The following NLGN1 variants were observed in gnomAD, a reference collection of about 807,000 sequenced individuals.
NLGN1 encodes neuroligin 1, also known as neuroligin-1.
NLGN1 carries 12 observed loss-of-function variants against 65.5 expected under a neutral mutation model. The ratio of observed to expected loss-of-function variants is 0.18; its 90% CI spans 0.12 to 0.30. The LOEUF (loss-of-function observed/expected upper bound fraction) is 0.30, where lower values mean the gene tolerates loss of function less well. NLGN1 is among the 10% of genes least tolerant of loss of function. The probability of loss-of-function intolerance (pLI) is 1.00; values close to 1 mark genes in which losing one functional copy is unlikely to be tolerated. For missense variants in NLGN1, 750 were observed against 1,007.1 expected (o/e 0.74, Z 3.46); for synonymous variants, 350 against 359.5 (o/e 0.97, Z 0.30).
intron 1 of NLGN1, among the ~76,000 whole-genome samples, chr3:173,409,254 A>G (rs1175487800): frequency 6.6e-6 from 1 of 152,178 alleles, no homozygotes; most frequent in Admixed American, 6.5e-5. Flanking sequence ...CAAAACTGCC[A>G]TATGTATACA....
At chr3:173,997,775 A>T (rs188327873) in intron 4 of NLGN1, among the ~76,000 whole-genome samples, 56 of 152,254 alleles carry the variant, frequency 3.7e-4, no homozygotes, top group Non-Finnish European at 4.7e-4. Context: ...CCACTTAAAA[A>T]ATATCCTTAT....
intron 3 of NLGN1, among the ~76,000 whole-genome samples, chr3:173,698,579 C>T (rs922433190): frequency 5.9e-5 from 9 of 152,100 alleles, no homozygotes; most frequent in African/African-American, 2.2e-4. Flanking sequence ...CAGTATATAC[C>T]TTGCTCTATA....
At chr3:173,527,743 T>G (rs1735896501) in intron 2 of NLGN1, among the ~76,000 whole-genome samples, 1 of 152,192 alleles carries the variant, frequency 6.6e-6, no homozygotes, top group Admixed American at 6.5e-5. Flanking sequence ...TAGAGTTGTT[T>G]GAGCTCCTTA....
intron 4 of NLGN1, among the ~76,000 whole-genome samples, chr3:174,040,184 T>A (rs980411893): frequency 6.6e-6 from 1 of 152,088 alleles, no homozygotes. Flanking sequence ...TCCCCTCTTT[T>A]CAGAGAAAAG....
intron 4 of NLGN1, among the ~76,000 whole-genome samples, chr3:174,265,801 AGCCAAAG>A: frequency 6.8e-6 from 1 of 146,516 alleles, no homozygotes; most frequent in African/African-American, 2.5e-5. Flanking sequence ...ATATATATAT[AGCCAAAG>A]TATTTTTATA....
chr3:173,757,539 C>T (rs891897135), intron 3 of NLGN1, among the ~76,000 whole-genome samples: 1 of 151,758 alleles, frequency 6.6e-6, no homozygotes, highest in Non-Finnish European at 1.5e-5. Context: ...CAATCTGACT[C>T]AGTTTCTTAA....
At chr3:174,106,870 CT>C (rs368264539) in intron 4 of NLGN1, among the ~76,000 whole-genome samples, 18 of 151,668 alleles carry the variant, frequency 1.2e-4, no homozygotes, top group African/African-American at 3.6e-4. Context: ...ACCCTTTCTC[CT>C]TTTTTTTCTT....
intron 2 of NLGN1, among the ~76,000 whole-genome samples, chr3:173,512,195 A>C (rs1733092149): frequency 6.6e-6 from 1 of 152,224 alleles, no homozygotes; most frequent in Non-Finnish European, 1.5e-5. Flanking sequence ...GTCTTGTAGC[A>C]TGGGGCAGCT....
intron 3 of NLGN1, among the ~76,000 whole-genome samples, chr3:173,747,239 C>A (rs11929377): frequency 2.8e-5 from 4 of 142,038 alleles, no homozygotes; most frequent in Admixed American, 7.2e-5. Context: ...ATATATATAT[C>A]TTTAAGTATA....
chr3:173,397,416 C>G (rs538108675), upstream of NLGN1, among the ~76,000 whole-genome samples: 1 of 151,890 alleles, frequency 6.6e-6, no homozygotes, highest in Non-Finnish European at 1.5e-5. Flanking sequence ...GTGGGAACTT[C>G]CCCTCATTTC....
chr3:173,983,938 T>C (rs774387576), intron 4 of NLGN1, among the ~76,000 whole-genome samples: 4 of 152,214 alleles, frequency 2.6e-5, no homozygotes, highest in Non-Finnish European at 5.9e-5. Context: ...GGCACTCCAA[T>C]ACATACTTGT....
At chr3:173,795,834 T>C (rs1232167971) in intron 3 of NLGN1, among the ~76,000 whole-genome samples, 1 of 152,048 alleles carries the variant, frequency 6.6e-6, no homozygotes, top group Admixed American at 6.6e-5. Context: ...AGAACAACAA[T>C]GGCAATATCT....
chr3:174,093,920 A>G (rs1280516481), intron 4 of NLGN1, among the ~76,000 whole-genome samples: 1 of 152,070 alleles, frequency 6.6e-6, no homozygotes, highest in Non-Finnish European at 1.5e-5. Flanking sequence ...ATATAATCTC[A>G]TATATCTCAT....
At chr3:174,246,882 T>A (rs746409348) in intron 4 of NLGN1, among the ~76,000 whole-genome samples, 1 of 152,174 alleles carries the variant, frequency 6.6e-6, no homozygotes, top group East Asian at 1.9e-4. Flanking sequence ...AAAGAAAGCA[T>A]AGCTGGTTCA....
intron 2 of NLGN1, among the ~76,000 whole-genome samples, chr3:173,587,325 C>G (rs1469396300): frequency 3.9e-5 from 5 of 129,110 alleles, no homozygotes; most frequent in Admixed American, 8.4e-5. Context: ...TCCTTTGTTT[C>G]TACAAGCAGT....
At chr3:173,902,577 T>A (rs1737567877) in intron 4 of NLGN1, among the ~76,000 whole-genome samples, 1 of 152,168 alleles carries the variant, frequency 6.6e-6, no homozygotes, top group Non-Finnish European at 1.5e-5. Flanking sequence ...AACCTGTGGC[T>A]ACTCAAACCA....
chr3:173,638,191 ATTTTT>A (rs879275103), intron 3 of NLGN1, among the ~76,000 whole-genome samples: 1 of 144,720 alleles, frequency 6.9e-6, no homozygotes, highest in Non-Finnish European at 1.5e-5. Context: ...CATTTGTTAG[ATTTTT>A]TTTTTTTATG....
chr3:173,502,486 A>G (rs1206206024), intron 2 of NLGN1, among the ~76,000 whole-genome samples: 1 of 152,108 alleles, frequency 6.6e-6, no homozygotes. Flanking sequence ...ATGTTGCCAG[A>G]ATTTCATTTT....
chr3:173,738,656 G>T (rs1448473783), intron 3 of NLGN1, among the ~76,000 whole-genome samples: 1 of 152,048 alleles, frequency 6.6e-6, no homozygotes, highest in African/African-American at 2.4e-5. Context: ...TTTGGGGTAA[G>T]TTTTGAAATG....
Sources: allele counts gnomAD v4.1 joint callset (sites outside exome capture counted in the v4.1 genomes callset), GRCh38; gene constraint gnomAD v4.1.1; transcripts MANE v1.5; gene names NCBI Gene and HGNC (gene_info 2026-07-23, HGNC 2026-07-21).